PAM: variants seen among roughly 807,000 people sequenced by gnomAD.
PAM encodes the protein peptidyl-glycine alpha-amidating monooxygenase.
Under a neutral mutation model 122.1 loss-of-function variants are expected in PAM, and 72 were observed. That is an observed-to-expected ratio of 0.59 (90% CI 0.49 to 0.72). The LOEUF is 0.72. Among genes scored for constraint, PAM ranks in the 30% least tolerant of loss-of-function variants. The pLI, the probability that PAM is intolerant of heterozygous loss-of-function variation, is 0.00. For synonymous variants in PAM, 389 were observed against 404.4 expected, an observed-to-expected ratio of 0.96 and a Z score of 0.46; for missense variants, 1,106 against 1,183.7, an observed-to-expected ratio of 0.93 and a Z score of 0.96.
rs117591134 is a variant in PAM at position 102,821,527 on chromosome 5, A to G, written c.-373-44296A>G. Among the ~76,000 whole-genome samples the G allele has an allele frequency of 8.7e-3, 1,320 of 152,314 alleles. 48 individuals carry two copies. The East Asian group carries it at 0.097, about 11-fold the overall frequency. ...ATACCCACTTGTACAAATACCCCTT[A>G]TTATGATTATACATATAATATGGAT... On this transcript the variant is annotated intron_variant, in intron 1 of 25. Transcript: ENST00000438793.
chr5:102,945,898 A>G (rs999483299), intron 7 of PAM, among the ~76,000 whole-genome samples: 1 of 152,180 alleles, frequency 6.6e-6, no homozygotes, highest in African/African-American at 2.4e-5. Flanking sequence ...CAGATTTTAT[A>G]TATAGCCTAA....
intron 24 of PAM, 27 bp downstream of exon 24, chr5:103,025,361 G>C (rs749181365): frequency 2.6e-6 from 4 of 1,566,514 alleles, no homozygotes; most frequent in Non-Finnish European, 3.5e-6. Context: ...CCGTGAACTT[G>C]GAACCTGCCT....
At chr5:102,842,395 G>A (rs764568401) in intron 1 of PAM, among the ~76,000 whole-genome samples, 30 of 152,060 alleles carry the variant, frequency 2.0e-4, no homozygotes, top group African/African-American at 2.9e-4. Flanking sequence ...TCATGATAGC[G>A]AATAAGTCTC....
intron 14 of PAM, among the ~76,000 whole-genome samples, chr5:102,968,898 AC>A (rs1440180834): frequency 5.3e-5 from 8 of 152,212 alleles, no homozygotes; most frequent in South Asian, 4.1e-4. Flanking sequence ...ACCATGGACT[AC>A]TATGCAGCCA....
chr5:102,944,059 T>C (rs114703737), intron 7 of PAM, among the ~76,000 whole-genome samples: 2,545 of 152,280 alleles, frequency 0.017, 81 homozygotes, highest in African/African-American at 0.057. Flanking sequence ...GACTTGGCTA[T>C]TTTACATTTC....
intron 3 of PAM, among the ~76,000 whole-genome samples, chr5:102,868,200 T>C (rs1233196165): frequency 1.3e-5 from 2 of 152,254 alleles, no homozygotes; most frequent in African/African-American, 2.4e-5. Flanking sequence ...ACCTGGATAT[T>C]GTAGAGCTGC....
intron 1 of PAM, among the ~76,000 whole-genome samples, chr5:102,795,111 A>C (rs1418941771): frequency 7.0e-6 from 1 of 142,004 alleles, no homozygotes; most frequent in African/African-American, 2.6e-5. Context: ...AATCACTTGA[A>C]CCCGGGAGGT....
intron 3 of PAM, among the ~76,000 whole-genome samples, chr5:102,871,850 T>C (rs180913565): frequency 1.1e-4 from 16 of 151,578 alleles, no homozygotes; most frequent in Admixed American, 1.3e-4. Flanking sequence ...ATGTAAGTAC[T>C]TTCAAATCCT....
chr5:102,939,337 G>T (rs1754317263), intron 7 of PAM, among the ~76,000 whole-genome samples: 1 of 151,672 alleles, frequency 6.6e-6, no homozygotes, highest in Non-Finnish European at 1.5e-5. Context: ...TTCTCATGGG[G>T]TCATCTGTCC....
intron 1 of PAM, among the ~76,000 whole-genome samples, chr5:102,844,706 A>AT (rs59667592): frequency 0.12 from 18,873 of 152,092 alleles, 2,832 homozygotes; most frequent in African/African-American, 0.36. Context: ...AACAAAAAAA[A>AT]GAATGGGCTC....
At chr5:102,853,237 C>G (rs895098911) in intron 1 of PAM, among the ~76,000 whole-genome samples, 3 of 152,140 alleles carry the variant, frequency 2.0e-5, no homozygotes, top group Non-Finnish European at 2.9e-5. Flanking sequence ...CCTTGGAATA[C>G]AAATTGTTAT....
At chr5:102,782,667 A>AAC (rs1389557596) in intron 1 of PAM, among the ~76,000 whole-genome samples, 2 of 151,654 alleles carry the variant, frequency 1.3e-5, no homozygotes, top group Non-Finnish European at 2.9e-5. Flanking sequence ...AGAATCAGTT[A>AAC]AGTACCCAGA....
At chr5:102,859,590 GA>G (rs1033837673) in intron 1 of PAM, among the ~76,000 whole-genome samples, 16 of 152,022 alleles carry the variant, frequency 1.1e-4, no homozygotes, top group African/African-American at 3.4e-4. Flanking sequence ...TATTATTGAA[GA>G]ATATTTTTAA....
chr5:102,988,666 G>A (rs1260940829), intron 15 of PAM, among the ~76,000 whole-genome samples: 1 of 140,438 alleles, frequency 7.1e-6, no homozygotes, highest in Non-Finnish European at 1.5e-5. Context: ...GGGGAGGAAA[G>A]GAAAGGAAAG....
chr5:103,025,935 T>G (rs2032185619), intron 24 of PAM, among the ~76,000 whole-genome samples: 1 of 152,182 alleles, frequency 6.6e-6, no homozygotes, highest in Non-Finnish European at 1.5e-5. Flanking sequence ...TGAATAATCA[T>G]TGGTAATAAA....
intron 17 of PAM, among the ~76,000 whole-genome samples, chr5:103,004,920 G>A (rs1051410384): frequency 1.3e-5 from 2 of 152,002 alleles, no homozygotes; most frequent in Non-Finnish European, 2.9e-5. Flanking sequence ...TAATTTATAT[G>A]TAGGCTTAAT....
At position 103,006,923 on chromosome 5, in the gene PAM, T is replaced by G. The variant is rs1166137042; in HGVS notation, c.1926T>G (p.Thr642=). ...QPTDVAVDPG[T]GAIYVSDGYC... is the part of the protein sequence containing the mutation. Reference sequence around the variant, plus strand: ...CTGATGTGGCTGTGGATCCAGGCACTGGAGCCATTTATGTATCAGATGGTT... The same window carrying G: ...CTGATGTGGCTGTGGATCCAGGCACGGGAGCCATTTATGTATCAGATGGTT... Residue 642 remains threonine, a synonymous_variant, in exon 19 of 26, where the codon ACT becomes ACG. Transcript: ENST00000438793. 1 of 1,614,066 alleles carries G rather than the reference T, an allele frequency of 6.2e-7. No individual in the cohort carries two copies. Among genetic ancestry groups the G allele is most frequent in the South Asian group, 1.1e-5 (1 of 91,088 alleles).
chr5:102,779,710 C>T (rs1289389726), intron 1 of PAM, among the ~76,000 whole-genome samples: 1 of 151,524 alleles, frequency 6.6e-6, no homozygotes, highest in African/African-American at 2.4e-5. Context: ...CTGGCCTAAC[C>T]TCCCAGCCTA....
rs190413612 is a variant in PAM at position 102,848,654 on chromosome 5, C to T, written c.-373-17169C>T. Among the ~76,000 whole-genome samples, 516 of 152,162 alleles carry T rather than the reference C, an allele frequency of 3.4e-3. 4 individuals are homozygous for T. The highest frequency in any genetic ancestry group is 9.8e-3 in the Admixed American group (150 of 15,286). ...TTGAAAAAGAGAGAAAAGAACTCAG[C>T]TGAAACAATGTAGGGAGGAACAGAT... On this transcript the variant is annotated intron_variant, in intron 1 of 25. Transcript: ENST00000438793.
Sources: gnomAD v4.1 joint callset for allele counts (sites outside exome capture counted in the v4.1 genomes callset) on GRCh38, gnomAD v4.1.1 for gene constraint, MANE v1.5 for transcripts, NCBI Gene and HGNC (gene_info 2026-07-23, HGNC 2026-07-21) for gene names.